The following TRIP11 variants were observed in gnomAD, a reference collection of about 807,000 sequenced individuals.
TRIP11 encodes the protein thyroid receptor-interacting protein 11.
In TRIP11, 148 loss-of-function variants were observed where a neutral mutation model predicts 223.1. That is an observed-to-expected ratio of 0.66 (90% CI 0.58 to 0.76). TRIP11 has a LOEUF of 0.76. TRIP11 is among the 30% of genes least tolerant of loss of function. TRIP11 has a pLI of 0.00. For missense variants in TRIP11, 2,043 were observed against 2,222.0 expected (o/e 0.92, Z 1.62); for synonymous variants, 762 against 772.6 (o/e 0.99, Z 0.23).
In TRIP11 at chr14:91,968,786, T is replaced by C. The variant is rs558705069; in HGVS notation, c.*887A>G. On this transcript the variant is annotated 3_prime_UTR_variant, in exon 21 of 21. Coordinates refer to ENST00000267622, the MANE Select transcript of TRIP11 (RefSeq NM_004239.4). ...AGAGGGTATATATTGATTCCATTTA[T>C]ATAACATTCTCAAAATAACAAAATG... The C allele has an allele frequency of 8.2e-5, 19 of 231,244 alleles. 1 individual carries two copies. In the South Asian group the frequency reaches 3.3e-3, roughly 40 times the overall value. 14.3% of individuals were successfully genotyped at this position (231,244 alleles called of 1,614,324 possible). A position where few individuals can be genotyped will look rare whatever the true frequency, so the allele number is the denominator to read the frequency against.
rs764542212 is a variant in TRIP11 at position 92,014,290 on chromosome 14, T to C, written c.1111A>G (p.Met371Val). 1.2e-6 allele frequency: 2 copies of C among 1,614,112 alleles called. No individual in the cohort carries two copies. The highest frequency in any genetic ancestry group is 1.7e-6 in the Non-Finnish European group (2 of 1,180,000). The part of the protein sequence containing the change: ...QPSAVKQSDT[M>V]TEKERILAQS... The stretch of plus-strand genomic sequence containing the variant: ...GCAAGAATTCTTTCCTTTTCTGTCA[T>C]AGTATCACTTTGCTTCACAGCAGAA... The change falls in exon 7 of 21, where the codon ATG (methionine) becomes GTG (valine). Residue 371 changes from methionine to valine, a missense_variant. By Grantham distance (21) the Met-to-Val change is conservative. Transcript: ENST00000267622.
chr14:92,010,291 G>C (rs993135500), intron 9 of TRIP11, among the ~76,000 whole-genome samples: 5 of 151,944 alleles, frequency 3.3e-5, no homozygotes, highest in African/African-American at 1.2e-4. Flanking sequence ...AACACTTTGG[G>C]AGGCCGAGGT....
At chr14:91,995,956 G>C (rs1207523066) in intron 13 of TRIP11, among the ~76,000 whole-genome samples, 1 of 152,106 alleles carries the variant, frequency 6.6e-6, no homozygotes, top group Non-Finnish European at 1.5e-5. Context: ...AAAGTATTTA[G>C]ATACTTTAAT....
At chr14:91,996,994 G>C (rs1162070826) in intron 13 of TRIP11, among the ~76,000 whole-genome samples, 1 of 152,162 alleles carries the variant, frequency 6.6e-6, no homozygotes, top group African/African-American at 2.4e-5. Context: ...TTATTCAAGA[G>C]CAGCCCATTA....
rs751017789 is a variant in TRIP11, at chr14:92,005,982, T to C, written c.1994A>G (p.Asn665Ser). ...KQNLSELEQL[N>S]ENLKKVAFDV... The stretch of plus-strand genomic sequence containing the variant: ...AAAAGCAACTTTCTTTAAATTTTCA[T>C]TGAGCTGTTCTAATTCTGAAAGATT... The change falls in exon 11 of 21, where the codon AAT (asparagine) becomes AGT (serine). Residue 665 changes from asparagine (N) to serine (S), a missense_variant. Physicochemically the swap from Asn to Ser is conservative, Grantham distance 46 (BLOSUM62 1). Transcript: ENST00000267622. The C allele has an allele frequency of 3.1e-6, 5 of 1,612,154 alleles. No homozygotes were observed. Among genetic ancestry groups the C allele is most frequent in the East Asian group, 4.5e-5 (2 of 44,830 alleles).
chr14:92,002,783 G>C (rs1007179954), intron 11 of TRIP11, among the ~76,000 whole-genome samples: 1 of 151,894 alleles, frequency 6.6e-6, no homozygotes, highest in African/African-American at 2.4e-5. Flanking sequence ...GTTTCACTAT[G>C]TTGGTCAGGC....
intron 8 of TRIP11, 52 bp downstream of exon 8, chr14:92,011,703 G>A: frequency 1.4e-6 from 2 of 1,476,696 alleles, no homozygotes; most frequent in Non-Finnish European, 1.9e-6. Context: ...ACTTGGTATA[G>A]GATCTGCTTC....
chr14:92,037,196 A>C lies in TRIP11; in HGVS notation c.139+2351T>G, dbSNP rs1365179376. On this transcript the variant is annotated intron_variant, in intron 1 of 20. Transcript: ENST00000267622. This position sits in a 1 kb window ranked among gnomAD's most constrained non-coding sequence, Gnocchi z 4.2. ...CTATGTGCCAAAAGGAAGGTGTCAC[A>C]TATTTGGTAATATAAGGAGCAAAAA... Among the ~76,000 whole-genome samples the C allele has an allele frequency of 6.6e-6, 1 of 152,232 alleles. No homozygotes were observed. Among genetic ancestry groups the C allele is most frequent in the Non-Finnish European group, 1.5e-5 (1 of 68,046 alleles).
chr14:91,977,205 T>C (rs1431151481), intron 16 of TRIP11: 1 of 454,220 alleles, frequency 2.2e-6, no homozygotes, highest in Admixed American at 2.4e-5. Context: ...TACAAACATG[T>C]TTTCCCCATT....
chr14:91,985,472 T>A (rs1296684503), intron 16 of TRIP11, among the ~76,000 whole-genome samples: 1 of 152,242 alleles, frequency 6.6e-6, no homozygotes, highest in African/African-American at 2.4e-5. Flanking sequence ...TGGCATTATT[T>A]GCAACAGCTC....
chr14:91,984,064 C>G (rs1271969498), intron 16 of TRIP11, among the ~76,000 whole-genome samples: 1 of 151,930 alleles, frequency 6.6e-6, no homozygotes, highest in Non-Finnish European at 1.5e-5. Flanking sequence ...ATTCTCAACT[C>G]TTAGGAGACT....
chr14:92,005,091 T>A lies in TRIP11; in HGVS notation c.2885A>T (p.Asp962Val). ...ATHTQLFLEKDEEIKSLQKTI... is the reference protein window; with the variant it reads ...ATHTQLFLEKVEEIKSLQKTI... ...TTTTTGCAAACTCTTAATTTCCTCA[T>A]CCTTCTCTAAAAAGAGCTGGGTGTG... The change falls in exon 11 of 21, where the codon GAT (aspartate) becomes GTT (valine). Residue 962 changes from aspartate to valine, a missense_variant. By Grantham distance (152) the Asp-to-Val change is radical. Transcript: ENST00000267622. The A allele has an allele frequency of 6.2e-7, 1 of 1,613,852 alleles. No homozygotes were observed. The highest frequency in any genetic ancestry group is 8.5e-7 in the Non-Finnish European group (1 of 1,180,032).
In TRIP11 at chr14:92,011,067, G is replaced by A. The variant is rs2056966415; in HGVS notation, c.1233C>T (p.Asn411=). The A allele has an allele frequency of 5.0e-6, 8 of 1,613,816 alleles. No homozygotes were observed. The highest frequency in any genetic ancestry group is 6.8e-6 in the Non-Finnish European group (8 of 1,179,852). ...IMRLSSLNQD[N]SLAEDNLKLK... is the part of the protein sequence containing the mutation. ...GTTTCAGATTGTCTTCAGCAAGACTGTTATCCTACAAAAATGTTAAAGCAG... is the reference window on the plus strand; with the variant it reads ...GTTTCAGATTGTCTTCAGCAAGACTATTATCCTACAAAAATGTTAAAGCAG... The change falls in exon 9 of 21, where the codon AAC becomes AAT. Residue 411 remains asparagine (N), a synonymous_variant. Coordinates refer to ENST00000267622, the MANE Select transcript of TRIP11 (RefSeq NM_004239.4).
chr14:91,993,819 A>G lies in TRIP11; in HGVS notation c.5150T>C (p.Ile1717Thr). Residue 1717 changes from isoleucine to threonine, a missense_variant, in exon 15 of 21, where the codon ATA becomes ACA. Ile to Thr is a moderately conservative substitution (Grantham distance 89). Coordinates refer to ENST00000267622, the MANE Select transcript of TRIP11 (RefSeq NM_004239.4). The part of the protein sequence containing the change: ...KNAENLEGKV[I>T]SLQECLDEAN... ...ACTATTTTGTCCTACCTGTAATGAT[A>G]TCACTTTTCCTTCCAGATTTTCTGC... 6.2e-7 allele frequency: 1 copy of G among 1,613,216 alleles called. No individual in the cohort carries two copies. The highest frequency in any genetic ancestry group is 8.5e-7 in the Non-Finnish European group (1 of 1,179,404).
chr14:91,993,673 G>A, intron 15 of TRIP11, 136 bp downstream of exon 15: 2 of 697,890 alleles, frequency 2.9e-6, no homozygotes. Flanking sequence ...TCACTGTCAG[G>A]CTACAGCAGA....
chr14:92,039,532 C>T lies in TRIP11; in HGVS notation c.139+15G>A. ...GTCTTAGAAAAGCCCTCCCTTCCCTCGCTCCAGCTGTTACCTTCCACTTCC... is the reference window on the plus strand; with the variant it reads ...GTCTTAGAAAAGCCCTCCCTTCCCTTGCTCCAGCTGTTACCTTCCACTTCC... On this transcript the variant is annotated intron_variant, in intron 1 of 20. Coordinates refer to ENST00000267622, the MANE Select transcript of TRIP11 (RefSeq NM_004239.4). 1 of 1,613,176 alleles carries T rather than the reference C, an allele frequency of 6.2e-7. No individual in the cohort carries two copies. The highest frequency in any genetic ancestry group is 8.5e-7 in the Non-Finnish European group (1 of 1,179,728).
Position 92,013,757 on chromosome 14 carries a change from T to C in TRIP11, c.1186+458A>G, listed in dbSNP as rs150699058. On this transcript the variant is annotated intron_variant, in intron 7 of 20. Transcript: ENST00000267622. The stretch of plus-strand genomic sequence containing the variant: ...AAACGTAAGTACAATTACTTTAAAA[T>C]TTATTTTATTTACTGGTGTTTGGCC... 4.9e-4 allele frequency among the ~76,000 whole-genome samples: 75 copies of C among 152,340 alleles called. 1 individual carries two copies. The East Asian group carries it at 0.013, about 27-fold the overall frequency.
chr14:91,985,175 T>C (rs1037811615), intron 16 of TRIP11, among the ~76,000 whole-genome samples: 1 of 152,182 alleles, frequency 6.6e-6, no homozygotes, highest in Non-Finnish European at 1.5e-5. Flanking sequence ...CCCTGTCTTA[T>C]GATCACTGTT....
intron 4 of TRIP11, among the ~76,000 whole-genome samples, chr14:92,020,798 G>A (rs977819595): frequency 1.3e-5 from 2 of 152,112 alleles, no homozygotes; most frequent in Admixed American, 6.6e-5. Flanking sequence ...GAGGCCAGGC[G>A]CAGTGGCTCA....
Sources: gnomAD v4.1 joint callset for allele counts (sites outside exome capture counted in the v4.1 genomes callset) on GRCh38, gnomAD v4.1.1 for gene constraint, Gnocchi (gnomAD v3.1) non-coding constraint, MANE v1.5 for transcripts, NCBI Gene and HGNC (gene_info 2026-07-23, HGNC 2026-07-21) for gene names.